Variants in CDK11A observed in about 807,000 individuals in gnomAD.
The protein encoded by CDK11A is cyclin-dependent kinase 11A.
A neutral mutation model predicts 83.6 loss-of-function variants in CDK11A; 55 were observed. The observed-to-expected ratio is 0.66, with a 90% CI of 0.53 to 0.82. CDK11A has a LOEUF of 0.82. Among genes scored for constraint, CDK11A ranks in the 40% least tolerant of loss-of-function variants. The probability of loss-of-function intolerance (pLI) is 0.00; values close to 1 mark genes in which losing one functional copy is unlikely to be tolerated. For synonymous variants in CDK11A, 247 were observed against 302.7 expected (o/e 0.82, Z 1.91); for missense variants, 564 against 810.1 (o/e 0.70, Z 3.69).
chr1:1,718,986 G>C (rs530881301), intron 4 of CDK11A, among the ~76,000 whole-genome samples: 1 of 150,504 alleles, frequency 6.6e-6, no homozygotes, highest in African/African-American at 2.4e-5. Flanking sequence ...TGTGACACAC[G>C]CATGCTTTCA....
At chr1:1,717,276 T>C (rs1319192551) in intron 4 of CDK11A, among the ~76,000 whole-genome samples, 2 of 151,278 alleles carry the variant, frequency 1.3e-5, no homozygotes, top group Middle Eastern at 3.4e-3. Context: ...GAACAAAGCT[T>C]TGCTATCAGT....
intron 3 of CDK11A, among the ~76,000 whole-genome samples, chr1:1,721,029 A>C (rs1379920220): frequency 6.6e-6 from 1 of 150,676 alleles, no homozygotes; most frequent in East Asian, 2.0e-4. Context: ...GAAGATCGAG[A>C]CCATCCTGGC....
At position 1,712,481 on chromosome 1, in the gene CDK11A, T is replaced by C; in HGVS notation, c.489-81A>G. On this transcript the variant is annotated intron_variant, in intron 5 of 19. Transcript: ENST00000404249. ...TGTCCACATTTGTAAGCTGGCTTTC[T>C]ACGTAATTCAATCCGTGAAGTTTTT... is the stretch of plus-strand genomic sequence containing the variant. The C allele has an allele frequency of 9.5e-6, 3 of 316,828 alleles. 1 individual carries two copies. Among genetic ancestry groups the C allele is most frequent in the Middle Eastern group, 1.4e-3 (2 of 1,432 alleles). The allele number at this position is 316,828 out of a possible 1,614,324, so 19.6% of individuals were successfully genotyped here. A position where few individuals can be genotyped will look rare whatever the true frequency, so the allele number is the denominator to read the frequency against.
In CDK11A at chr1:1,703,917, C is replaced by T. The variant is rs370353171; in HGVS notation, c.1818G>A (p.Met606Ile). Reference protein sequence around the residue: ...GAKEYSTAVDMWSVGCIFGEL... With the variant: ...GAKEYSTAVDIWSVGCIFGEL... ...CCCCGAAGATGCAGCCCACTGACCA[C>T]ATGTCCACGGCCGTGGAGTATTCCT... Residue 606 changes from methionine (M) to isoleucine (I), a missense_variant, in exon 17 of 20, where the codon ATG (methionine) becomes ATA (isoleucine). By Grantham distance (10) the Met-to-Ile change is conservative (BLOSUM62 1). Transcript: ENST00000404249. 1.6e-5 allele frequency: 26 copies of T among 1,609,632 alleles called. No individual in the cohort carries two copies. Among genetic ancestry groups the T allele is most frequent in the Non-Finnish European group, 2.1e-5 (25 of 1,176,982 alleles).
intron 4 of CDK11A, among the ~76,000 whole-genome samples, chr1:1,718,824 G>C (rs1967676): frequency 6.7e-6 from 1 of 149,900 alleles, no homozygotes; most frequent in Admixed American, 6.7e-5. Context: ...TTTTAGTAGA[G>C]ACTGGGTTTC....
chr1:1,720,732 C>T (rs1018461877), intron 3 of CDK11A, among the ~76,000 whole-genome samples: 4 of 150,118 alleles, frequency 2.7e-5, no homozygotes, highest in Non-Finnish European at 3.0e-5. Flanking sequence ...TGCTATGTCC[C>T]CCAGGGTAGA....
intron 11 of CDK11A, among the ~76,000 whole-genome samples, chr1:1,706,401 T>C (rs1644312407): frequency 6.6e-6 from 1 of 151,298 alleles, no homozygotes; most frequent in Admixed American, 6.6e-5. Context: ...ATAAAAAAAT[T>C]AGCCAGGCAT....
At position 1,704,576 on chromosome 1, in the gene CDK11A, T is replaced by C. The variant is rs1644235941; in HGVS notation, c.1538A>G (p.Glu513Gly). Residue 513 changes from glutamate to glycine, a missense_variant, in exon 14 of 20, where the codon GAG (glutamate) becomes GGG (glycine). Glu to Gly is a moderately conservative substitution (Grantham distance 98). Coordinates refer to ENST00000404249, the MANE Select transcript of CDK11A (RefSeq NM_024011.4). Reference sequence around the variant, plus strand: ...TGGCAGGAAGGGCTGTTTCATGGTCTCCATCAGGCTCTTGAGGTCGTGCTC... The same window carrying C: ...TGGCAGGAAGGGCTGTTTCATGGTCCCCATCAGGCTCTTGAGGTCGTGCTC... ...YVEHDLKSLM[E>G]TMKQPFLPGE... 1 of 1,604,472 alleles carries C rather than the reference T, an allele frequency of 6.2e-7. No individual in the cohort carries two copies. The highest frequency in any genetic ancestry group is 8.5e-7 in the Non-Finnish European group (1 of 1,174,732).
intron 11 of CDK11A, among the ~76,000 whole-genome samples, chr1:1,707,065 C>T (rs1274085060): frequency 1.4e-5 from 2 of 143,266 alleles, no homozygotes; most frequent in East Asian, 2.0e-4. Context: ...GCCTACATAA[C>T]CCGCCCACGC....
In CDK11A at chr1:1,716,405, G is replaced by C. The variant is rs368053496; in HGVS notation, c.429C>G (p.Arg143=). The C allele has an allele frequency of 3.1e-6, 5 of 1,608,418 alleles. No individual in the cohort carries two copies. In the African/African-American group the frequency reaches 6.7e-5, roughly 22 times the overall value. The change falls in exon 5 of 20, where the codon CGC becomes CGG. Residue 143 remains arginine, a synonymous_variant. Transcript: ENST00000404249. The part of the protein sequence containing the change: ...KRHREEQDKA[R]REWERQKRRE... ...TTCTCTTCTGTCTTTCCCATTCCCG[G>C]CGAGCTTTATCCTGTTCTTCTCGAT... is the stretch of plus-strand genomic sequence containing the variant.
At chr1:1,723,514 A>AAAAAAAAAAAAG (rs1644990770) in intron 1 of CDK11A, among the ~76,000 whole-genome samples, 2 of 42,590 alleles carry the variant, frequency 4.7e-5, no homozygotes, top group African/African-American at 1.1e-4. Flanking sequence ...AAAAAAAAAA[A>AAAAAAAAAAAAG]AAAAAAAAAC....
In CDK11A at chr1:1,703,441, C is replaced by T. The variant is rs1196858718; in HGVS notation, c.2060+35G>A. 20 of 1,452,392 alleles carry T rather than the reference C, an allele frequency of 1.4e-5. 3 individuals are homozygous for T. Among genetic ancestry groups the T allele is most frequent in the Non-Finnish European group, 1.7e-5 (19 of 1,106,990 alleles). The allele number at this position is 1,452,392 out of a possible 1,614,324, so 90.0% of individuals were successfully genotyped here. ...GGACTGGGAAGTCACCGCTATGGCTCGGGACCTCCCGCCACCCGGCTGCAC... is the reference window on the plus strand; with the variant it reads ...GGACTGGGAAGTCACCGCTATGGCTTGGGACCTCCCGCCACCCGGCTGCAC... On this transcript the variant is annotated intron_variant, in intron 18 of 19. Transcript: ENST00000404249.
intron 4 of CDK11A, among the ~76,000 whole-genome samples, chr1:1,716,981 C>G (rs373938915): frequency 7.1e-6 from 1 of 140,216 alleles, no homozygotes; most frequent in African/African-American, 2.7e-5. Flanking sequence ...GTCTTGAACT[C>G]CTGGGCTCAA....
rs538222530 is a variant in CDK11A at position 1,720,692 on chromosome 1, C to T, written c.227+904G>A. 2.1e-3 allele frequency among the ~76,000 whole-genome samples: 126 copies of T among 60,590 alleles called. 1 individual carries two copies. Among genetic ancestry groups the T allele is most frequent in the African/African-American group, 3.9e-3 (112 of 28,700 alleles). 39.7% of individuals were successfully genotyped at this position (60,590 alleles called of 152,430 possible). A position where few individuals can be genotyped will look rare whatever the true frequency, so the allele number is the denominator to read the frequency against. ...GATTACAGGCATGAGCCATCGCACC[C>T]GGACTTATTATTTTTTTCAGACAGA... On this transcript the variant is annotated intron_variant, in intron 3 of 19. Transcript: ENST00000404249.
chr1:1,704,879 C>T lies in CDK11A; in HGVS notation c.1458+25G>A, dbSNP rs1286329549. ...TGTCGGAAAAGCCTTCCACCCGGGG[C>T]CAGGCGTGGTGGGGCCATGCTCACT... is the stretch of plus-strand genomic sequence containing the variant. On this transcript the variant is annotated intron_variant, in intron 13 of 19. Transcript: ENST00000404249. The T allele has an allele frequency of 6.2e-6, 10 of 1,606,676 alleles. 1 individual carries two copies. The highest frequency in any genetic ancestry group is 1.7e-5 in the Admixed American group (1 of 59,650).
Position 1,702,772 on chromosome 1 carries a change from C to T in CDK11A, c.*135G>A. The T allele has an allele frequency of 3.6e-6, 2 of 563,072 alleles. No individual in the cohort carries two copies. The highest frequency in any genetic ancestry group is 6.4e-6 in the Non-Finnish European group (2 of 310,786). The allele number at this position is 563,072 out of a possible 1,614,324, so 34.9% of individuals were successfully genotyped here. Reference sequence around the variant, plus strand: ...AAAATGATTTAATTCTACAAATTTACAAACCAAAATACAAAAACAAAACAT... The same window carrying T: ...AAAATGATTTAATTCTACAAATTTATAAACCAAAATACAAAAACAAAACAT... On this transcript the variant is annotated 3_prime_UTR_variant, in exon 20 of 20. Coordinates refer to ENST00000404249, the MANE Select transcript of CDK11A (RefSeq NM_024011.4).
rs754150661 is a variant in CDK11A at position 1,703,551 on chromosome 1, C to T, written c.1985G>A (p.Ser662Asn). ...ELPVVKKMTF[S>N]EHPYNNLRKR... ...GCGGAGGTTGTTGTAGGGGTGCTCG[C>T]TGAAGGTCATCTTTTTGACTACTGG... is the stretch of plus-strand genomic sequence containing the variant. Residue 662 changes from serine (S) to asparagine (N), a missense_variant, in exon 18 of 20, where the codon AGC becomes AAC. Physicochemically the swap from Ser to Asn is conservative, Grantham distance 46 (BLOSUM62 1). Around this residue, in one of 5 missense-constraint regions of CDK11A, gnomAD observed 361 missense variants for 402.7 expected, o/e 0.90. Transcript: ENST00000404249. 16 of 1,569,068 alleles carry T rather than the reference C, an allele frequency of 1.0e-5. 2 individuals are homozygous for T. In the South Asian group the frequency reaches 1.9e-4, roughly 18 times the overall value.
chr1:1,722,365 AAT>A (rs1644938391), intron 2 of CDK11A: 1 of 359,678 alleles, frequency 2.8e-6, no homozygotes, highest in African/African-American at 2.0e-5. Context: ...AAAGACGTAA[AAT>A]ATTTATATTA....
chr1:1,721,599 T>C lies in CDK11A; in HGVS notation c.224A>G (p.Asp75Gly), dbSNP rs1441078198. 1 of 1,606,800 alleles carries C rather than the reference T, an allele frequency of 6.2e-7. No homozygotes were observed. Among genetic ancestry groups the C allele is most frequent in the South Asian group, 1.1e-5 (1 of 90,622 alleles). ...GCACATCTGTACATCCGCTCACCTG[T>C]CTTCCATTGAGTCTTCTCTTCTATA... ...SPYRREDSMEDRGEEDDSLAI... is the reference protein window; with the variant it reads ...SPYRREDSMEGRGEEDDSLAI... Residue 75 changes from aspartate (D) to glycine (G), a missense_variant, in exon 3 of 20, where the codon GAC becomes GGC. Transcript: ENST00000404249.
Sources: allele counts gnomAD v4.1 joint callset (sites outside exome capture counted in the v4.1 genomes callset), GRCh38; gene constraint gnomAD v4.1.1; regional missense constraint gnomAD v4.1.1; transcripts MANE v1.5; gene names NCBI Gene and HGNC (gene_info 2026-07-23, HGNC 2026-07-21).